Variants in PCDH15 observed in about 807,000 individuals in gnomAD.
PCDH15 encodes protocadherin-15.
A neutral mutation model predicts 178.5 loss-of-function variants in PCDH15; 129 were observed. The observed-to-expected ratio is 0.72, with a 90% CI of 0.63 to 0.84. The LOEUF (loss-of-function observed/expected upper bound fraction) is 0.84. Ranked by LOEUF, PCDH15 falls within the 40% of genes least tolerant of loss-of-function variation. The pLI, the probability that PCDH15 is intolerant of heterozygous loss-of-function variation, is 0.00. For synonymous variants in PCDH15, 800 were observed against 732.0 expected (o/e 1.09, Z -1.50); for missense variants, 2,230 against 2,099.9 (o/e 1.06, Z -1.21).
At chr10:53,822,281 T>C in intron 32 of PCDH15, 1 of 1,612,782 alleles carries the variant, frequency 6.2e-7, no homozygotes, top group Non-Finnish European at 8.5e-7. Flanking sequence ...GAAGAGGAGT[T>C]GGAAATGGAG....
chr10:53,924,837 T>C (rs1010277270), intron 25 of PCDH15, among the ~76,000 whole-genome samples: 2 of 152,200 alleles, frequency 1.3e-5, no homozygotes, highest in African/African-American at 4.8e-5. Flanking sequence ...ACTCTGTGTC[T>C]AGCTCAAGGT....
intron 1 of PCDH15, among the ~76,000 whole-genome samples, chr10:55,256,861 G>A (rs1365601664): frequency 2.6e-5 from 4 of 152,200 alleles, no homozygotes; most frequent in Admixed American, 6.5e-5. Flanking sequence ...CTGTCTGACA[G>A]CTTTGAAGAG....
chr10:54,067,076 C>G (rs972789263), intron 17 of PCDH15, among the ~76,000 whole-genome samples, 191 bp from the exon 18 acceptor site: 1 of 151,940 alleles, frequency 6.6e-6, no homozygotes, highest in South Asian at 2.1e-4. Context: ...CTTCCCACCT[C>G]AAAAAACAGA....
chr10:54,663,159 C>T (rs755234594), intron 2 of PCDH15, among the ~76,000 whole-genome samples: 2 of 151,856 alleles, frequency 1.3e-5, no homozygotes, highest in Admixed American at 1.3e-4. Context: ...ACAACTTGAA[C>T]ATTGTTTGTG....
At chr10:55,481,209 T>C (rs369375521) in intron 2 of PCDH15, among the ~76,000 whole-genome samples, 2 of 151,890 alleles carry the variant, frequency 1.3e-5, no homozygotes, top group African/African-American at 4.8e-5. Context: ...TGATTGTATT[T>C]ATTTGAATCT....
chr10:55,050,943 A>G (rs566364921), intron 2 of PCDH15, among the ~76,000 whole-genome samples: 1 of 152,212 alleles, frequency 6.6e-6, no homozygotes, highest in South Asian at 2.1e-4. Flanking sequence ...TTCTAATAGT[A>G]TGAAGTGCTT....
intron 2 of PCDH15, among the ~76,000 whole-genome samples, chr10:55,371,665 T>G (rs1448790213): frequency 6.6e-6 from 1 of 152,102 alleles, no homozygotes; most frequent in East Asian, 1.9e-4. Context: ...CCTTCACCCT[T>G]ACACCATGAT....
chr10:54,391,828 C>A (rs7092913), intron 3 of PCDH15, among the ~76,000 whole-genome samples: 1 of 152,104 alleles, frequency 6.6e-6, no homozygotes, highest in African/African-American at 2.4e-5. Flanking sequence ...ATGTAAAAGG[C>A]AAACAGATGT....
chr10:54,445,470 G>A (rs1224617061), intron 3 of PCDH15, among the ~76,000 whole-genome samples: 1 of 151,500 alleles, frequency 6.6e-6, no homozygotes. Context: ...TTGTCTACAT[G>A]ATAGTGGTTA....
chr10:55,303,969 A>C (rs1843355656), intron 1 of PCDH15, among the ~76,000 whole-genome samples: 1 of 152,152 alleles, frequency 6.6e-6, no homozygotes, highest in Non-Finnish European at 1.5e-5. Flanking sequence ...GTTATTAGAA[A>C]GGAGCTTGCA....
intron 2 of PCDH15, among the ~76,000 whole-genome samples, chr10:55,626,342 G>C (rs1003889603): frequency 6.6e-6 from 1 of 152,038 alleles, no homozygotes; most frequent in African/African-American, 2.4e-5. Flanking sequence ...AGGATATCCC[G>C]AAATCTACAG....
chr10:54,437,547 C>G (rs2075505463), intron 3 of PCDH15, among the ~76,000 whole-genome samples: 1 of 152,064 alleles, frequency 6.6e-6, no homozygotes, highest in Non-Finnish European at 1.5e-5. Flanking sequence ...ATAATGATAA[C>G]ATGATAAATA....
chr10:55,513,390 A>AT (rs977072233), intron 2 of PCDH15, among the ~76,000 whole-genome samples: 5 of 152,028 alleles, frequency 3.3e-5, no homozygotes, highest in African/African-American at 9.7e-5. Context: ...ATTCTCTAGT[A>AT]TTGATTATGC....
chr10:54,151,516 GGA>G (rs2044529665), intron 14 of PCDH15, among the ~76,000 whole-genome samples: 1 of 151,950 alleles, frequency 6.6e-6, no homozygotes, highest in African/African-American at 2.4e-5. Context: ...CTCTAGACTG[GGA>G]GACAGAGTTA....
chr10:55,407,616 G>A (rs1445628297), intron 2 of PCDH15, among the ~76,000 whole-genome samples: 1 of 152,132 alleles, frequency 6.6e-6, no homozygotes, highest in Non-Finnish European at 1.5e-5. Context: ...GCATCAAGCA[G>A]TTATGAGGAT....
chr10:54,931,144 A>G (rs1837763967), intron 2 of PCDH15, among the ~76,000 whole-genome samples: 1 of 152,164 alleles, frequency 6.6e-6, no homozygotes, highest in Non-Finnish European at 1.5e-5. Context: ...CACATTTCTG[A>G]GCATTTGAAA....
intron 14 of PCDH15, among the ~76,000 whole-genome samples, chr10:54,135,202 C>CAAAA (rs11299964): frequency 0.018 from 2,142 of 118,142 alleles, 63 homozygotes; most frequent in African/African-American, 0.057. Flanking sequence ...GACTCTGTCT[C>CAAAA]AAAAAAAAAA....
At chr10:55,554,286 T>C (rs1842048626) in intron 2 of PCDH15, among the ~76,000 whole-genome samples, 1 of 152,052 alleles carries the variant, frequency 6.6e-6, no homozygotes, top group South Asian at 2.1e-4. Flanking sequence ...TTTTTGAAGG[T>C]ATGGAAGAAT....
At chr10:54,974,330 T>C (rs1168100577) in intron 2 of PCDH15, among the ~76,000 whole-genome samples, 1 of 152,050 alleles carries the variant, frequency 6.6e-6, no homozygotes, top group Non-Finnish European at 1.5e-5. Flanking sequence ...AATATATTAA[T>C]GGCAAATAAT....
Sources: gnomAD v4.1 joint callset for allele counts (sites outside exome capture counted in the v4.1 genomes callset) on GRCh38, gnomAD v4.1.1 for gene constraint, MANE v1.5 for transcripts, NCBI Gene and HGNC (gene_info 2026-07-23, HGNC 2026-07-21) for gene names.